GMCL1: variants seen among roughly 807,000 people sequenced by gnomAD.
GMCL1 encodes the protein germ cell-less 1, spermatogenesis associated.
A neutral mutation model predicts 75.5 loss-of-function variants in GMCL1; 54 were observed. The ratio of observed to expected loss-of-function variants is 0.71; its 90% CI spans 0.57 to 0.90. The LOEUF (loss-of-function observed/expected upper bound fraction) is 0.90, where lower values mean the gene tolerates loss of function less well. Ranked by LOEUF, GMCL1 falls within the 40% of genes least tolerant of loss-of-function variation. The pLI, the probability that GMCL1 is intolerant of heterozygous loss-of-function variation, is 0.00. For synonymous variants in GMCL1, 210 were observed against 209.6 expected, an observed-to-expected ratio of 1.00 and a Z score of -0.02; for missense variants, 537 against 622.7, an observed-to-expected ratio of 0.86 and a Z score of 1.47.
At chr2:69,868,427 A>T (rs1294149159) in intron 11 of GMCL1, among the ~76,000 whole-genome samples, 1 of 152,210 alleles carries the variant, frequency 6.6e-6, no homozygotes. Context: ...ACTTCTCTGT[A>T]TCACACTACC....
At chr2:69,856,559 C>G (rs952937313) in intron 9 of GMCL1, among the ~76,000 whole-genome samples, 1 of 151,662 alleles carries the variant, frequency 6.6e-6, no homozygotes, top group Admixed American at 6.6e-5. Context: ...TACCTCTGAC[C>G]TATCTTGTTA....
chr2:69,842,493 T>G (rs1418159586), intron 4 of GMCL1, among the ~76,000 whole-genome samples: 1 of 152,190 alleles, frequency 6.6e-6, no homozygotes, highest in Non-Finnish European at 1.5e-5. Context: ...TGTTCTAAAT[T>G]CACCTTCTGC....
rs1451404482 is a variant in GMCL1, at chr2:69,832,392, T to A, written c.260+2240T>A. ...GCATGCAGTAAATATGTCTCCTTGA[T>A]GAATTGGCCCCTTTATCATAACAAA... On this transcript the variant is annotated intron_variant, in intron 1 of 13. Coordinates refer to ENST00000282570, the MANE Select transcript of GMCL1 (RefSeq NM_178439.5). 3.3e-5 allele frequency among the ~76,000 whole-genome samples: 5 copies of A among 152,358 alleles called. No homozygotes were observed. The East Asian group carries it at 7.7e-4, about 23-fold the overall frequency.
chr2:69,864,969 T>C lies in GMCL1; in HGVS notation c.1212T>C (p.Asp404=), dbSNP rs1169632633. Residue 404 remains aspartate, a synonymous_variant, in exon 11 of 14, where the codon GAT becomes GAC. Transcript: ENST00000282570. ...GGTGTGGTAGAAAGCTTGCCAAAGATGGTGAAGTAAGTATGGGTTGTGACT... is the reference window on the plus strand; with the variant it reads ...GGTGTGGTAGAAAGCTTGCCAAAGACGGTGAAGTAAGTATGGGTTGTGACT... ...SMRCGRKLAK[D]GEYCWRWTGF... is the part of the protein sequence containing the mutation. 6.2e-7 allele frequency: 1 copy of C among 1,611,386 alleles called. No homozygotes were observed. The highest frequency in any genetic ancestry group is 8.5e-7 in the Non-Finnish European group (1 of 1,177,586).
chr2:69,861,092 C>T (rs1675629163), intron 9 of GMCL1, among the ~76,000 whole-genome samples, 186 bp from the exon 10 acceptor site: 1 of 152,164 alleles, frequency 6.6e-6, no homozygotes, highest in Admixed American at 6.5e-5. Context: ...ATCCACCTGC[C>T]TTGGCCTCCC....
chr2:69,860,928 C>T (rs1675621391), intron 9 of GMCL1, among the ~76,000 whole-genome samples: 1 of 152,282 alleles, frequency 6.6e-6, no homozygotes, highest in South Asian at 2.1e-4. Flanking sequence ...CTGCAACCTC[C>T]GCCTCCTGGG....
Position 69,829,850 on chromosome 2 carries a change from C to T in GMCL1, c.-43C>T. 2 of 1,508,672 alleles carry T rather than the reference C, an allele frequency of 1.3e-6. No homozygotes were observed. Among genetic ancestry groups the T allele is most frequent in the Non-Finnish European group, 1.8e-6 (2 of 1,134,330 alleles). 93.5% of individuals were successfully genotyped at this position (1,508,672 alleles called of 1,614,324 possible). ...GCGGCGGCCGAGCCATGGCGGGAGA[C>T]CCCCTTCTCTGGGCTCCCTGAAGTC... On this transcript the variant is annotated 5_prime_UTR_variant, in exon 1 of 14. Transcript: ENST00000282570.
intron 9 of GMCL1, among the ~76,000 whole-genome samples, chr2:69,860,558 G>C (rs1033269723): frequency 4.6e-5 from 7 of 152,036 alleles, no homozygotes; most frequent in African/African-American, 1.7e-4. Context: ...GTTAATAATG[G>C]AAGAGTTTAT....
intron 13 of GMCL1, chr2:69,873,506 T>C (rs1192656045): frequency 6.8e-6 from 1 of 146,966 alleles, no homozygotes; most frequent in Non-Finnish European, 1.5e-5. Context: ...TGTAACCTGC[T>C]TTTTTTTTTA....
At chr2:69,871,708 A>G in intron 12 of GMCL1, 37 bp from the exon 13 acceptor site, 1 of 1,136,800 alleles carries the variant, frequency 8.8e-7, no homozygotes, top group Non-Finnish European at 1.3e-6. Flanking sequence ...TGGTTTAAAA[A>G]TCTTGTGTTT....
chr2:69,861,241 C>T (rs762506007), intron 9 of GMCL1, 37 bp from the exon 10 acceptor site: 20 of 1,343,502 alleles, frequency 1.5e-5, no homozygotes, highest in African/African-American at 2.9e-5. Flanking sequence ...GTTCTTCAGT[C>T]GTTATTTATT....
chr2:69,844,090 T>C, intron 5 of GMCL1, 41 bp from the exon 6 acceptor site: 1 of 954,814 alleles, frequency 1.0e-6, no homozygotes, highest in Non-Finnish European at 1.6e-6. Context: ...AAATTGTAAA[T>C]ACATGGCATA....
chr2:69,869,600 C>T (rs1050727503), intron 11 of GMCL1, 119 bp from the exon 12 acceptor site: 6 of 925,186 alleles, frequency 6.5e-6, no homozygotes, highest in African/African-American at 5.0e-5. Context: ...GACAAAAAGT[C>T]GACCACCCAT....
intron 13 of GMCL1, among the ~76,000 whole-genome samples, chr2:69,877,733 TGA>T (rs1432692056): frequency 1.4e-5 from 2 of 145,112 alleles, no homozygotes; most frequent in African/African-American, 5.1e-5. Context: ...TGTGTGTGTG[TGA>T]GACATTTGTA....
At chr2:69,869,467 G>T in intron 11 of GMCL1, 1 of 327,264 alleles carries the variant, frequency 3.1e-6, no homozygotes, top group Non-Finnish European at 5.5e-6. Flanking sequence ...TAGAATTGCA[G>T]TATGGAGAGA....
intron 11 of GMCL1, among the ~76,000 whole-genome samples, chr2:69,867,099 C>A (rs1675840247): frequency 6.6e-6 from 1 of 151,934 alleles, no homozygotes; most frequent in South Asian, 2.1e-4. Flanking sequence ...AATGCACCAC[C>A]ACGCCTGGCT....
chr2:69,857,283 A>G (rs1675500692), intron 9 of GMCL1, among the ~76,000 whole-genome samples: 1 of 152,184 alleles, frequency 6.6e-6, no homozygotes, highest in African/African-American at 2.4e-5. Context: ...TTCACTTGGC[A>G]AAATCCTAGA....
chr2:69,839,732 A>G (rs72895261), intron 3 of GMCL1, among the ~76,000 whole-genome samples, 179 bp downstream of exon 3: 16 of 152,206 alleles, frequency 1.1e-4, no homozygotes, highest in African/African-American at 3.9e-4. Context: ...TCTTATCACT[A>G]ATCTGTTTTG....
At chr2:69,854,120 GTATTATTAT>G (rs70954364) in intron 8 of GMCL1, among the ~76,000 whole-genome samples, 26 of 144,000 alleles carry the variant, frequency 1.8e-4, no homozygotes, top group African/African-American at 2.6e-4. Context: ...TCTATTTTCA[GTATTATTAT>G]TATTATTATT....
Sources: gnomAD v4.1 joint callset for allele counts (sites outside exome capture counted in the v4.1 genomes callset) on GRCh38, gnomAD v4.1.1 for gene constraint, MANE v1.5 for transcripts, NCBI Gene and HGNC (gene_info 2026-07-23, HGNC 2026-07-21) for gene names.